The following FCHSD2 variants were observed in gnomAD, a reference collection of about 807,000 sequenced individuals.
FCHSD2 encodes FCH and double SH3 domains 2, also known as F-BAR and double SH3 domains protein 2.
In FCHSD2, 38 loss-of-function variants were observed where a neutral mutation model predicts 108.1. The ratio of observed to expected loss-of-function variants is 0.35; its 90% CI spans 0.27 to 0.46. The LOEUF is 0.46. Among genes scored for constraint, FCHSD2 ranks in the 20% least tolerant of loss-of-function variants. The pLI is 1.00. For missense variants in FCHSD2, 751 were observed against 897.8 expected (o/e 0.84, Z 2.09); for synonymous variants, 279 against 314.7 (o/e 0.89, Z 1.20).
At chr11:73,029,773 T>G (rs150181977) in intron 3 of FCHSD2, among the ~76,000 whole-genome samples, 1 of 152,110 alleles carries the variant, frequency 6.6e-6, no homozygotes, top group African/African-American at 2.4e-5. Context: ...AATTAGGACA[T>G]TGAAGGGCAA....
intron 8 of FCHSD2, among the ~76,000 whole-genome samples, chr11:72,958,508 C>G (rs887031389): frequency 1.3e-5 from 2 of 152,126 alleles, no homozygotes; most frequent in Non-Finnish European, 2.9e-5. Context: ...TGGAGCAAGG[C>G]TCCATCTCAA....
At chr11:72,919,967 T>C (rs1477926159) in intron 9 of FCHSD2, among the ~76,000 whole-genome samples, 2 of 152,016 alleles carry the variant, frequency 1.3e-5, no homozygotes, top group East Asian at 1.9e-4. Context: ...ACAAAAGCCC[T>C]ACATATCACA....
intron 13 of FCHSD2, among the ~76,000 whole-genome samples, chr11:72,865,691 T>G (rs774115886): frequency 1.3e-4 from 20 of 152,128 alleles, no homozygotes; most frequent in Non-Finnish European, 2.8e-4. Context: ...TTCTTCTAGC[T>G]GATATTGAGC....
At chr11:72,873,524 T>C (rs1032663945) in intron 12 of FCHSD2, among the ~76,000 whole-genome samples, 2 of 152,204 alleles carry the variant, frequency 1.3e-5, no homozygotes, top group Non-Finnish European at 2.9e-5. Context: ...TCCCCCATTC[T>C]GTGGGCTGTC....
chr11:72,990,851 C>G lies in FCHSD2; in HGVS notation c.388-1754G>C, dbSNP rs1385754074. Among the ~76,000 whole-genome samples, 3 of 152,110 alleles carry G rather than the reference C, an allele frequency of 2.0e-5. No homozygotes were observed. In the South Asian group the frequency reaches 6.2e-4, roughly 32 times the overall value. On this transcript the variant is annotated intron_variant, in intron 5 of 19. Coordinates refer to ENST00000409418, the MANE Select transcript of FCHSD2 (RefSeq NM_014824.3). ...AAAGCTAGCAGAAGGCAAGAAATAA[C>G]TAAGACCAGAACAGAACTGAACGAA...
Position 73,142,160 on chromosome 11 carries a change from G to A in FCHSD2, c.-283C>T, listed in dbSNP as rs112748940. ...AGGAAGGAGGCGGAGACGGCGAGGGGGCGGGGGCCCCAGGAGCAGGGGCGC... is the reference window on the plus strand; with the variant it reads ...AGGAAGGAGGCGGAGACGGCGAGGGAGCGGGGGCCCCAGGAGCAGGGGCGC... On this transcript the variant is annotated 5_prime_UTR_variant, in exon 1 of 20. Transcript: ENST00000409418. The A allele has an allele frequency of 5.7e-3, 1,476 of 259,930 alleles. 8 individuals are homozygous for A. The highest frequency in any genetic ancestry group is 0.014 in the South Asian group (120 of 8,624). 16.1% of individuals were successfully genotyped at this position (259,930 alleles called of 1,614,324 possible).
At chr11:73,014,321 GT>G (rs1278366895) in intron 4 of FCHSD2, among the ~76,000 whole-genome samples, 1 of 151,688 alleles carries the variant, frequency 6.6e-6, no homozygotes, top group Admixed American at 6.6e-5. Flanking sequence ...TAGAGATGGA[GT>G]ATCACTATAC....
intron 10 of FCHSD2, among the ~76,000 whole-genome samples, chr11:72,896,472 T>C (rs1446179497): frequency 6.6e-6 from 1 of 152,208 alleles, no homozygotes; most frequent in East Asian, 1.9e-4. Context: ...AATGAAAGGA[T>C]AGGTCACTGA....
intron 2 of FCHSD2, among the ~76,000 whole-genome samples, chr11:73,112,758 C>T (rs1471581163): frequency 5.3e-5 from 8 of 152,130 alleles, no homozygotes; most frequent in Non-Finnish European, 8.8e-5. Context: ...AAGCAATTCT[C>T]CTGCCTCAGC....
chr11:72,947,922 C>A (rs1351290239), intron 8 of FCHSD2, among the ~76,000 whole-genome samples: 1 of 152,158 alleles, frequency 6.6e-6, no homozygotes, highest in African/African-American at 2.4e-5. Flanking sequence ...ACAGTGTTAA[C>A]ATTTTTCATG....
At chr11:73,087,397 T>C (rs888595963) in intron 2 of FCHSD2, among the ~76,000 whole-genome samples, 4 of 152,146 alleles carry the variant, frequency 2.6e-5, no homozygotes, top group Non-Finnish European at 5.9e-5. Context: ...GGTTAATTTA[T>C]TTATTACTGA....
At chr11:73,046,457 T>C (rs904166572) in intron 3 of FCHSD2, among the ~76,000 whole-genome samples, 2 of 152,208 alleles carry the variant, frequency 1.3e-5, no homozygotes, top group African/African-American at 4.8e-5. Flanking sequence ...AAATTAGATA[T>C]CATTTTTGGC....
At chr11:73,074,445 A>T (rs1859502343) in intron 3 of FCHSD2, among the ~76,000 whole-genome samples, 2 of 152,204 alleles carry the variant, frequency 1.3e-5, no homozygotes, top group African/African-American at 4.8e-5. Context: ...ACAATATCAC[A>T]TACGAAAATT....
intron 8 of FCHSD2, among the ~76,000 whole-genome samples, chr11:72,954,731 A>C (rs752936143): frequency 6.6e-6 from 1 of 152,142 alleles, no homozygotes; most frequent in Non-Finnish European, 1.5e-5. Context: ...GAGATTAAGA[A>C]AATATATTGA....
chr11:73,106,977 T>C (rs1483307111), intron 2 of FCHSD2, among the ~76,000 whole-genome samples: 1 of 152,162 alleles, frequency 6.6e-6, no homozygotes, highest in Non-Finnish European at 1.5e-5. Flanking sequence ...CCACCAGATA[T>C]CCTGGACTCG....
intron 8 of FCHSD2, among the ~76,000 whole-genome samples, chr11:72,953,653 C>T (rs1856657923): frequency 6.6e-6 from 1 of 151,136 alleles, no homozygotes; most frequent in South Asian, 2.1e-4. Flanking sequence ...AAAACTCTTG[C>T]TCTTAAATGT....
At chr11:73,042,055 T>C (rs1254052891) in intron 3 of FCHSD2, among the ~76,000 whole-genome samples, 1 of 152,170 alleles carries the variant, frequency 6.6e-6, no homozygotes, top group Non-Finnish European at 1.5e-5. Context: ...ACCTCCCAAG[T>C]AGCTGGGATT....
Position 72,889,895 on chromosome 11 carries a change from A to G in FCHSD2, c.975T>C (p.Asn325=), listed in dbSNP as rs368677495. 6 of 1,613,698 alleles carry G rather than the reference A, an allele frequency of 3.7e-6. No individual in the cohort carries two copies. The East Asian group carries it at 1.3e-4, about 36-fold the overall frequency. ...GTGTGGCCCATTTTCGAGCTTCCTT[A>G]TTTAGACTGTGCTCCTCTGTGGTCC... ...ETGTTEEHSL[N]KEARKWATRV... is the part of the protein sequence containing the mutation. The change falls in exon 11 of 20, where the codon AAT becomes AAC. Residue 325 remains asparagine, a synonymous_variant. Transcript: ENST00000409418.
At chr11:73,093,902 G>A (rs1451300614) in intron 2 of FCHSD2, among the ~76,000 whole-genome samples, 1 of 148,724 alleles carries the variant, frequency 6.7e-6, no homozygotes, top group East Asian at 2.2e-4. Flanking sequence ...ACCACATCCA[G>A]CTGATGAATG....
Sources: allele counts gnomAD v4.1 joint callset (sites outside exome capture counted in the v4.1 genomes callset), GRCh38; gene constraint gnomAD v4.1.1; transcripts MANE v1.5; gene names NCBI Gene and HGNC (gene_info 2026-07-23, HGNC 2026-07-21).